PTPRT: variants seen among roughly 807,000 people sequenced by gnomAD.
PTPRT encodes the protein protein tyrosine phosphatase receptor type T.
PTPRT carries 56 observed loss-of-function variants against 176.8 expected under a neutral mutation model. The ratio of observed to expected loss-of-function variants is 0.32; its 90% CI spans 0.26 to 0.40. The LOEUF is 0.40. Among genes scored for constraint, PTPRT ranks in the 10% least tolerant of loss-of-function variants. The probability of loss-of-function intolerance (pLI) is 1.00; values close to 1 mark genes in which losing one functional copy is unlikely to be tolerated. For synonymous variants in PTPRT, 783 were observed against 739.0 expected, an observed-to-expected ratio of 1.06 and a Z score of -0.96; for missense variants, 1,540 against 1,908.2, an observed-to-expected ratio of 0.81 and a Z score of 3.60.
chr20:42,110,656 T>A (rs45500198), intron 22 of PTPRT, among the ~76,000 whole-genome samples, 169 bp from the exon 23 acceptor site: 5,433 of 152,292 alleles, frequency 0.036, 159 homozygotes, highest in Middle Eastern at 0.065. Flanking sequence ...TCAGTTACAT[T>A]TGGGAAATAT....
intron 11 of PTPRT, among the ~76,000 whole-genome samples, chr20:42,327,916 A>T (rs1261339948): frequency 2.6e-5 from 4 of 152,126 alleles, no homozygotes; most frequent in Non-Finnish European, 5.9e-5. Context: ...TTTAAAAATC[A>T]TATCAGGTAC....
intron 2 of PTPRT, among the ~76,000 whole-genome samples, chr20:42,800,620 C>T (rs1332887154): frequency 6.6e-6 from 1 of 152,126 alleles, no homozygotes; most frequent in Non-Finnish European, 1.5e-5. Flanking sequence ...TGATTAGTTA[C>T]ATTTATGCTC....
chr20:42,877,501 G>A (rs150760296), intron 2 of PTPRT, among the ~76,000 whole-genome samples: 59 of 152,312 alleles, frequency 3.9e-4, no homozygotes, highest in African/African-American at 1.4e-3. Context: ...GGCTGCTCTC[G>A]TGTGATTACA....
Position 42,080,346 on chromosome 20 carries a change from T to G in PTPRT, c.*533A>C, listed in dbSNP as rs1460882409. 4 of 232,998 alleles carry G rather than the reference T, an allele frequency of 1.7e-5. No individual in the cohort carries two copies. Among genetic ancestry groups the G allele is most frequent in the Non-Finnish European group, 3.4e-5 (4 of 118,178 alleles). The allele number at this position is 232,998 out of a possible 1,614,324, so 14.4% of individuals were successfully genotyped here. A position where few individuals can be genotyped will look rare whatever the true frequency, so the allele number is the denominator to read the frequency against. On this transcript the variant is annotated 3_prime_UTR_variant, in exon 31 of 31. Transcript: ENST00000373187. Reference sequence around the variant, plus strand: ...GGCCTCTCTTGTGGCCTAGGGAACATCGTAAGGTCACACTGGTCCAGACTG... The same window carrying G: ...GGCCTCTCTTGTGGCCTAGGGAACAGCGTAAGGTCACACTGGTCCAGACTG...
intron 6 of PTPRT, among the ~76,000 whole-genome samples, chr20:42,682,938 T>A (rs1396703007): frequency 6.6e-6 from 1 of 152,208 alleles, no homozygotes; most frequent in African/African-American, 2.4e-5. Context: ...GATGGAGCTG[T>A]GCGCATGTAC....
At chr20:42,234,744 C>T (rs2056206169) in intron 15 of PTPRT, among the ~76,000 whole-genome samples, 1 of 152,166 alleles carries the variant, frequency 6.6e-6, no homozygotes, top group Admixed American at 6.5e-5. Flanking sequence ...ATGTTCAAAG[C>T]ATGTTTGTGG....
intron 17 of PTPRT, among the ~76,000 whole-genome samples, chr20:42,157,020 T>C (rs934780226): frequency 1.3e-5 from 2 of 152,214 alleles, no homozygotes; most frequent in Non-Finnish European, 2.9e-5. Context: ...ATGCATAGCA[T>C]GGTCAGGTCC....
chr20:42,184,673 G>A (rs1990698135), intron 16 of PTPRT, among the ~76,000 whole-genome samples: 1 of 148,210 alleles, frequency 6.7e-6, no homozygotes, highest in Non-Finnish European at 1.5e-5. Context: ...TGTTGCCCAG[G>A]TTGGAGTGCA....
chr20:42,263,334 C>T (rs2056782979), intron 13 of PTPRT, among the ~76,000 whole-genome samples: 1 of 149,408 alleles, frequency 6.7e-6, no homozygotes, highest in African/African-American at 2.5e-5. Flanking sequence ...ATCTTCCCAC[C>T]TCAGTTAGGG....
intron 15 of PTPRT, among the ~76,000 whole-genome samples, chr20:42,224,446 T>A (rs1437086563): frequency 6.6e-6 from 1 of 152,208 alleles, no homozygotes; most frequent in Non-Finnish European, 1.5e-5. Context: ...TTCTACAGAT[T>A]TTACTTTCCA....
At chr20:43,084,606 G>C (rs866299101) in intron 1 of PTPRT, among the ~76,000 whole-genome samples, 6 of 152,170 alleles carry the variant, frequency 3.9e-5, no homozygotes, top group South Asian at 4.1e-4. Flanking sequence ...ATGAGATTTG[G>C]AGGGGACACA....
At chr20:42,665,656 C>T (rs555348618) in intron 7 of PTPRT, among the ~76,000 whole-genome samples, 13 of 152,126 alleles carry the variant, frequency 8.5e-5, no homozygotes, top group South Asian at 2.1e-4. Flanking sequence ...ATGTTTATTG[C>T]GGCACTAATC....
chr20:42,513,873 T>C (rs956433745), intron 7 of PTPRT, among the ~76,000 whole-genome samples: 6 of 152,196 alleles, frequency 3.9e-5, no homozygotes, highest in Admixed American at 2.6e-4. Flanking sequence ...TTGATGTCAA[T>C]GGAATCATAG....
At chr20:42,476,560 T>TTGGGAGA (rs543319338) in intron 7 of PTPRT, among the ~76,000 whole-genome samples, 75 of 152,224 alleles carry the variant, frequency 4.9e-4, no homozygotes, top group African/African-American at 1.7e-3. Flanking sequence ...TACTGAAATC[T>TTGGGAGA]TGGGAGATGA....
intron 6 of PTPRT, among the ~76,000 whole-genome samples, chr20:42,702,791 C>T (rs184190841): frequency 1.8e-4 from 27 of 152,308 alleles, no homozygotes; most frequent in Admixed American, 1.5e-3. Context: ...AGTGGCAGAG[C>T]TAGAACCAGA....
chr20:42,748,598 G>A (rs577857332), intron 6 of PTPRT, among the ~76,000 whole-genome samples: 51 of 152,196 alleles, frequency 3.4e-4, no homozygotes, highest in East Asian at 1.7e-3. Context: ...AAGCTGTTGC[G>A]TCCCACCGCC....
At chr20:42,123,943 G>C (rs1428311382) in intron 19 of PTPRT, among the ~76,000 whole-genome samples, 1 of 152,170 alleles carries the variant, frequency 6.6e-6, no homozygotes, top group African/African-American at 2.4e-5. Context: ...CATGAAGCCA[G>C]GGCTGGCTTG....
chr20:42,729,305 C>T (rs2076425932), intron 6 of PTPRT, among the ~76,000 whole-genome samples: 1 of 152,134 alleles, frequency 6.6e-6, no homozygotes, highest in Non-Finnish European at 1.5e-5. Context: ...AAACCCACAG[C>T]TGCAAAAGGG....
intron 11 of PTPRT, among the ~76,000 whole-genome samples, chr20:42,332,721 G>C (rs940816110): frequency 6.6e-6 from 1 of 152,124 alleles, no homozygotes; most frequent in Non-Finnish European, 1.5e-5. Context: ...AAGACATAAG[G>C]CAGCTTTCAA....
Sources: allele counts gnomAD v4.1 joint callset (sites outside exome capture counted in the v4.1 genomes callset), GRCh38; gene constraint gnomAD v4.1.1; transcripts MANE v1.5; gene names NCBI Gene and HGNC (gene_info 2026-07-23, HGNC 2026-07-21).